The following ITCH variants were observed in gnomAD, a reference collection of about 807,000 sequenced individuals.
ITCH encodes the protein E3 ubiquitin-protein ligase Itchy homolog.
In ITCH, 28 loss-of-function variants were observed where a neutral mutation model predicts 126.8. That is an observed-to-expected ratio of 0.22 (90% CI 0.16 to 0.30). The LOEUF (loss-of-function observed/expected upper bound fraction) is 0.30, where lower values mean the gene tolerates loss of function less well. Ranked by LOEUF, ITCH falls within the 10% of genes least tolerant of loss-of-function variation. The probability of loss-of-function intolerance (pLI) is 1.00; values close to 1 mark genes in which losing one functional copy is unlikely to be tolerated. For missense variants in ITCH, 631 were observed against 1,032.4 expected (o/e 0.61, Z 5.33); for synonymous variants, 342 against 340.0 (o/e 1.01, Z -0.06).
chr20:34,406,732 C>T (rs1479555308), intron 3 of ITCH, among the ~76,000 whole-genome samples: 1 of 152,072 alleles, frequency 6.6e-6, no homozygotes, highest in Admixed American at 6.5e-5. Context: ...GACAGGGTTT[C>T]ACCATGTTAG....
At chr20:34,385,254 G>T (rs1386741705) in intron 2 of ITCH, among the ~76,000 whole-genome samples, 1 of 138,288 alleles carries the variant, frequency 7.2e-6, no homozygotes, top group African/African-American at 2.7e-5. Flanking sequence ...GCAGAGATAG[G>T]GTGTCACTAT....
chr20:34,393,423 AG>A (rs1243520107), intron 2 of ITCH, among the ~76,000 whole-genome samples: 1 of 152,202 alleles, frequency 6.6e-6, no homozygotes, highest in Non-Finnish European at 1.5e-5. Context: ...AATATCCTCA[AG>A]GGAATGAGTG....
chr20:34,375,696 ATTTTTTTTTTTTTTTTTTTTTTTTTTT>A (rs5841171), intron 2 of ITCH, among the ~76,000 whole-genome samples: 1 of 65,524 alleles, frequency 1.5e-5, no homozygotes, highest in African/African-American at 7.3e-5. Context: ...GGTAGTTAAA[ATTTTTTTTTTTTTTTTTTTTTTTTTTT>A]TTTTTTTTAC....
intron 2 of ITCH, among the ~76,000 whole-genome samples, chr20:34,385,935 A>G (rs987788377): frequency 6.6e-6 from 1 of 152,100 alleles, no homozygotes; most frequent in Non-Finnish European, 1.5e-5. Context: ...TGGGAAAGCA[A>G]CCGCCTTCCC....
chr20:34,469,610 G>A (rs866486978), intron 14 of ITCH, among the ~76,000 whole-genome samples: 1 of 152,054 alleles, frequency 6.6e-6, no homozygotes, highest in Non-Finnish European at 1.5e-5. Context: ...CTTCTTGAAC[G>A]TTTCATATGC....
At position 34,442,259 on chromosome 20, in the gene ITCH, T is replaced by G; in HGVS notation, c.921T>G (p.Val307=). 6.2e-7 allele frequency: 1 copy of G among 1,613,988 alleles called. No individual in the cohort carries two copies. The highest frequency in any genetic ancestry group is 8.5e-7 in the Non-Finnish European group (1 of 1,179,870). ...QHGRVYYVDH[V]EKRTTWDRPE... ...GGCGAGTTTACTATGTAGATCATGT[T>G]GAGAAAAGAACAACATGGGATAGAC... Residue 307 remains valine (V), a synonymous_variant, in exon 10 of 25, where the codon GTT becomes GTG. Transcript: ENST00000374864.
At chr20:34,395,407 A>C in intron 3 of ITCH, among the ~76,000 whole-genome samples, 1 of 152,198 alleles carries the variant, frequency 6.6e-6, no homozygotes, top group East Asian at 1.9e-4. Context: ...GAGAGAAAGA[A>C]GATTGAGGGA....
chr20:34,459,856 A>G (rs1986347275), intron 13 of ITCH, among the ~76,000 whole-genome samples: 1 of 152,240 alleles, frequency 6.6e-6, no homozygotes, highest in Non-Finnish European at 1.5e-5. Context: ...ACTTAAATTT[A>G]TTCAGTTTCC....
chr20:34,457,503 T>C (rs1318070904), intron 13 of ITCH, 29 bp downstream of exon 13: 6 of 1,397,382 alleles, frequency 4.3e-6, no homozygotes, highest in Non-Finnish European at 6.1e-6. Context: ...GTATATTTAA[T>C]CTCTTAAAGA....
intron 24 of ITCH, among the ~76,000 whole-genome samples, chr20:34,505,712 CGCATG>C (rs1356499302): frequency 6.6e-6 from 1 of 152,030 alleles, no homozygotes; most frequent in East Asian, 1.9e-4. Flanking sequence ...TGCACCACCA[CGCATG>C]GCTAATTTTT....
At chr20:34,486,802 G>T (rs117075207) in intron 20 of ITCH, among the ~76,000 whole-genome samples, 2 of 148,064 alleles carry the variant, frequency 1.4e-5, no homozygotes, top group African/African-American at 5.0e-5. Context: ...AAGTTCAAGC[G>T]ATCCTCTAGC....
At chr20:34,503,768 A>C (rs1053969721) in intron 23 of ITCH, among the ~76,000 whole-genome samples, 4 of 148,878 alleles carry the variant, frequency 2.7e-5, no homozygotes, top group Admixed American at 2.0e-4. Context: ...TACCAGAATC[A>C]CCCGGAAGCT....
At chr20:34,391,850 T>C (rs955292247) in intron 2 of ITCH, among the ~76,000 whole-genome samples, 6 of 152,182 alleles carry the variant, frequency 3.9e-5, no homozygotes, top group African/African-American at 7.2e-5. Context: ...TTTTAAAATA[T>C]ACTTAATTTT....
chr20:34,413,946 G>A, intron 6 of ITCH, 67 bp downstream of exon 6: 4 of 1,285,488 alleles, frequency 3.1e-6, no homozygotes, highest in Non-Finnish European at 4.4e-6. Flanking sequence ...GTAGTATGCT[G>A]TATGTAATTA....
intron 10 of ITCH, 52 bp from the exon 11 acceptor site, chr20:34,445,235 T>C (rs1342970477): frequency 3.8e-6 from 6 of 1,588,092 alleles, no homozygotes; most frequent in Non-Finnish European, 5.1e-6. Flanking sequence ...TCTATCTGTT[T>C]CACAAGTATT....
chr20:34,406,238 A>G (rs188083776), intron 3 of ITCH, among the ~76,000 whole-genome samples: 67 of 151,890 alleles, frequency 4.4e-4, no homozygotes, highest in Admixed American at 3.2e-3. Flanking sequence ...TATGTTGACC[A>G]GGCTTTGTTC....
chr20:34,467,160 A>T (rs1390807669), intron 14 of ITCH, among the ~76,000 whole-genome samples: 1 of 152,226 alleles, frequency 6.6e-6, no homozygotes, highest in Non-Finnish European at 1.5e-5. Flanking sequence ...TTTGAAAGAT[A>T]TGTCACCAAA....
chr20:34,418,757 C>CTTT lies in ITCH; in HGVS notation c.475+4895_475+4897dup, dbSNP rs373974620. Among the ~76,000 whole-genome samples, 531 of 116,504 alleles carry CTTT rather than the reference C, an allele frequency of 4.6e-3. 10 individuals are homozygous for CTTT. The highest frequency in any genetic ancestry group is 0.011 in the South Asian group (40 of 3,634). The allele number at this position is 116,504 out of a possible 152,430, so 76.4% of individuals were successfully genotyped here. On this transcript the variant is annotated intron_variant, in intron 6 of 24. Transcript: ENST00000374864. ...TCCTTTCTTTCTTTTTCTTTTTTTC[C>CTTT]TTTTTTTTTTTTTTTTTTTGTGAGA...
intron 20 of ITCH, among the ~76,000 whole-genome samples, chr20:34,488,621 A>G (rs1989298542): frequency 6.6e-6 from 1 of 152,020 alleles, no homozygotes; most frequent in Non-Finnish European, 1.5e-5. Context: ...GCTGATGCAC[A>G]AGAACTGACT....
Sources: gnomAD v4.1 joint callset for allele counts (sites outside exome capture counted in the v4.1 genomes callset) on GRCh38, gnomAD v4.1.1 for gene constraint, MANE v1.5 for transcripts, NCBI Gene and HGNC (gene_info 2026-07-23, HGNC 2026-07-21) for gene names.